NBPF19: variants seen among roughly 807,000 people sequenced by gnomAD.
NBPF19 encodes NBPF member 19.
In NBPF19, 30 loss-of-function variants were observed where a neutral mutation model predicts 45.9. That is an observed-to-expected ratio of 0.65 (90% CI 0.49 to 0.89). NBPF19 has a LOEUF of 0.89. Among genes scored for constraint, NBPF19 ranks in the 40% least tolerant of loss-of-function variants. NBPF19 has a pLI of 0.00. For missense variants in NBPF19, 495 were observed against 471.8 expected (o/e 1.05, Z -0.46); for synonymous variants, 183 against 181.2 (o/e 1.01, Z -0.08).
rs1399101810 is a variant in NBPF19, at chr1:149,483,461, T to C, written c.824+1235T>C. Among the ~76,000 whole-genome samples the C allele has an allele frequency of 9.7e-5, 9 of 92,528 alleles. No homozygotes were observed. The Admixed American group carries it at 1.1e-3, about 11-fold the overall frequency. 60.7% of individuals were successfully genotyped at this position (92,528 alleles called of 152,430 possible). A position where few individuals can be genotyped will look rare whatever the true frequency, so the allele number is the denominator to read the frequency against. ...GATGGGTTTCCTGAGTACAGCACACTGATGGGTCTTGACTCTTTATCCAAT... is the reference window on the plus strand; with the variant it reads ...GATGGGTTTCCTGAGTACAGCACACCGATGGGTCTTGACTCTTTATCCAAT... On this transcript the variant is annotated intron_variant, in intron 7 of 93. Coordinates refer to ENST00000651566, the MANE Select transcript of NBPF19 (RefSeq NM_001351365.2).
Position 149,555,045 on chromosome 1 carries a change from G to A in NBPF19, c.*307G>A, listed in dbSNP as rs1173252164. On this transcript the variant is annotated 3_prime_UTR_variant, in exon 94 of 94. Coordinates refer to ENST00000651566, the MANE Select transcript of NBPF19 (RefSeq NM_001351365.2). ...AATTCCTCAGGGATTTCATTTTGCA[G>A]GCATGTCTCTGAGCTTCTATACCTG... 4.4e-6 allele frequency: 2 copies of A among 456,044 alleles called. No individual in the cohort carries two copies. Among genetic ancestry groups the A allele is most frequent in the East Asian group, 9.3e-5 (2 of 21,400 alleles). 28.2% of individuals were successfully genotyped at this position (456,044 alleles called of 1,614,324 possible).
At chr1:149,554,398 T>C in intron 93 of NBPF19, 97 bp from the exon 94 acceptor site, 1 of 1,604,314 alleles carries the variant, frequency 6.2e-7, no homozygotes, top group South Asian at 1.1e-5. Flanking sequence ...TCCTTTTTCT[T>C]TTCTAACCAC....
At chr1:149,490,902 G>C (rs1284509294) in intron 13 of NBPF19, among the ~76,000 whole-genome samples, 3 of 129,920 alleles carry the variant, frequency 2.3e-5, no homozygotes, top group African/African-American at 6.1e-5. Flanking sequence ...CTCTCTCTGT[G>C]TGTGTGTGTG....
chr1:149,554,538 C>A lies in NBPF19; in HGVS notation c.11332C>A (p.Gln3778Lys). 1 of 1,608,246 alleles carries A rather than the reference C, an allele frequency of 6.2e-7. No homozygotes were observed. The highest frequency in any genetic ancestry group is 8.5e-7 in the Non-Finnish European group (1 of 1,176,742). ...GGAAGTGGAAGAGCCTGAAGTCTTA[C>A]AGGACTCACTGGATGGATGTTATTC... ...LMEVEEPEVL[Q>K]DSLDGCYSTP... The change falls in exon 94 of 94, where the codon CAG (glutamine) becomes AAG (lysine). Residue 3778 changes from glutamine (Q) to lysine (K), a missense_variant. Physicochemically the swap from Gln to Lys is moderately conservative, Grantham distance 53. Coordinates refer to ENST00000651566, the MANE Select transcript of NBPF19 (RefSeq NM_001351365.2).
chr1:149,487,861 A>G, intron 9 of NBPF19, 152 bp from the exon 10 acceptor site: 2 of 690,108 alleles, frequency 2.9e-6, no homozygotes, highest in Non-Finnish European at 5.3e-6. Flanking sequence ...GCCCTAGTCT[A>G]TCCCAACATA....
rs1165640968 is a variant in NBPF19 at position 149,490,852 on chromosome 1, G to C, written c.1491-287G>C. ...AGAGTGTCCTGTTACTCCCTCATCA[G>C]TGTGTCACCTGGACAATTCACTGAG... On this transcript the variant is annotated intron_variant, in intron 13 of 93. Coordinates refer to ENST00000651566, the MANE Select transcript of NBPF19 (RefSeq NM_001351365.2). 1.5e-3 allele frequency among the ~76,000 whole-genome samples: 170 copies of C among 114,392 alleles called. 1 individual carries two copies. Among genetic ancestry groups the C allele is most frequent in the Non-Finnish European group, 2.5e-3 (141 of 56,094 alleles). The allele number at this position is 114,392 out of a possible 152,430, so 75.0% of individuals were successfully genotyped here. A position where few individuals can be genotyped will look rare whatever the true frequency, so the allele number is the denominator to read the frequency against.
rs1346974019 is a variant in NBPF19 at position 149,478,963 on chromosome 1, G to A, written c.362G>A (p.Arg121His). The A allele has an allele frequency of 1.7e-5, 27 of 1,601,724 alleles. 1 individual carries two copies. The highest frequency in any genetic ancestry group is 6.7e-5 in the East Asian group (3 of 44,812). The change falls in exon 4 of 94, where the codon CGC becomes CAC. Residue 121 changes from arginine to histidine, a missense_variant. Physicochemically the swap from Arg to His is conservative, Grantham distance 29. Transcript: ENST00000651566. ...TTACGGGAAGGGAGAGATGCCTCCC[G>A]CTCATTGAATGAGCATCTCCAGGCC... ...EKLREGRDASRSLNEHLQALL... is the reference protein window; with the variant it reads ...EKLREGRDASHSLNEHLQALL...
chr1:149,494,196 T>G (rs1478570718), intron 17 of NBPF19, 122 bp from the exon 18 acceptor site: 1 of 475,856 alleles, frequency 2.1e-6, no homozygotes, highest in African/African-American at 4.0e-5. Flanking sequence ...ATTCATTACC[T>G]CATTAATGGA....
In NBPF19 at chr1:149,554,797, A is replaced by G. The variant is rs1427481605; in HGVS notation, c.*59A>G. On this transcript the variant is annotated 3_prime_UTR_variant, in exon 94 of 94. Coordinates refer to ENST00000651566, the MANE Select transcript of NBPF19 (RefSeq NM_001351365.2). ...GCAGGCAGGACCTATAGGCACGTGA[A>G]GATTTGAATGAAACTACAGTTCCAT... is the stretch of plus-strand genomic sequence containing the variant. The G allele has an allele frequency of 2.5e-5, 40 of 1,604,746 alleles. No individual in the cohort carries two copies. Among genetic ancestry groups the G allele is most frequent in the Middle Eastern group, 2.3e-4 (1 of 4,434 alleles).
At chr1:149,484,525 C>CA (rs1309030910) in intron 7 of NBPF19, among the ~76,000 whole-genome samples, 2 of 144,378 alleles carry the variant, frequency 1.4e-5, no homozygotes, top group Admixed American at 7.1e-5. Context: ...TACATACACA[C>CA]AAAAAATAAT....
rs1313492556 is a variant in NBPF19, at chr1:149,554,787, A to G, written c.*49A>G. The G allele has an allele frequency of 6.2e-6, 10 of 1,605,926 alleles. No homozygotes were observed. Among genetic ancestry groups the G allele is most frequent in the South Asian group, 1.1e-5 (1 of 90,810 alleles). The stretch of plus-strand genomic sequence containing the variant: ...TGTCATTCCTGCAGGCAGGACCTAT[A>G]GGCACGTGAAGATTTGAATGAAACT... On this transcript the variant is annotated 3_prime_UTR_variant, in exon 94 of 94. Transcript: ENST00000651566.
rs2085679783 is a variant in NBPF19, at chr1:149,487,797, G to GTC, written c.1041-215_1041-214insCT. Among the ~76,000 whole-genome samples, 4 of 148,804 alleles carry GTC rather than the reference G, an allele frequency of 2.7e-5. No individual in the cohort carries two copies. The South Asian group carries it at 8.6e-4, about 32-fold the overall frequency. ...GCTCTGTGTGTGTGTGTGTGTGTGT[G>GTC]TGTGTGTGTGTGTGTGTGTGTGTGT... On this transcript the variant is annotated intron_variant, in intron 9 of 93. Coordinates refer to ENST00000651566, the MANE Select transcript of NBPF19 (RefSeq NM_001351365.2).
chr1:149,478,037 G>A lies in NBPF19; in HGVS notation c.268G>A (p.Glu90Lys), dbSNP rs1186899164. 1.9e-6 allele frequency: 3 copies of A among 1,564,246 alleles called. No individual in the cohort carries two copies. The highest frequency in any genetic ancestry group is 2.6e-6 in the Non-Finnish European group (3 of 1,143,028). Residue 90 changes from glutamate (E) to lysine (K), a missense_variant, in exon 3 of 94, where the codon GAG (glutamate) becomes AAG (lysine). By Grantham distance (56) the Glu-to-Lys change is moderately conservative. This residue lies in a region of NBPF19 where 69 missense variants were observed against 87.8 expected (regional missense o/e 0.79). Transcript: ENST00000651566. ...EKLAEQLKQA[E>K]ELRQYKVLFH... ...GCTTGCAGAGCAGCTGAAGCAAGCT[G>A]AGGAGCTCAGGTGAGGGGACCCCGT...
chr1:149,487,955 G>T (rs1332446326), intron 9 of NBPF19, 58 bp from the exon 10 acceptor site: 3 of 699,980 alleles, frequency 4.3e-6, no homozygotes, highest in African/African-American at 1.8e-5. Context: ...AATCTAGCTG[G>T]GGCTGTGTGG....
chr1:149,486,167 G>A lies in NBPF19; in HGVS notation c.862G>A (p.Glu288Lys). ...QESEEEEVPQESWDEGYSTLS... is the reference protein window; with the variant it reads ...QESEEEEVPQKSWDEGYSTLS... ...GTCTGAAGAGGAGGAAGTCCCCCAGGAGTCCTGGGATGAAGGTTATTCGAC... is the reference window on the plus strand; with the variant it reads ...GTCTGAAGAGGAGGAAGTCCCCCAGAAGTCCTGGGATGAAGGTTATTCGAC... Residue 288 changes from glutamate to lysine, a missense_variant, in exon 8 of 94, where the codon GAG (glutamate) becomes AAG (lysine). This residue lies in a region of NBPF19 where 146 missense variants were observed against 67.3 expected (regional missense o/e 2.17). Transcript: ENST00000651566. 1 of 449,712 alleles carries A rather than the reference G, an allele frequency of 2.2e-6. No homozygotes were observed. The highest frequency in any genetic ancestry group is 2.2e-5 in the South Asian group (1 of 46,212). 27.9% of individuals were successfully genotyped at this position (449,712 alleles called of 1,614,324 possible).
chr1:149,554,525 G>A lies in NBPF19; in HGVS notation c.11319G>A (p.Glu3773=), dbSNP rs1449616048. 2.8e-5 allele frequency: 45 copies of A among 1,608,104 alleles called. 2 individuals carry two copies. The Admixed American group carries it at 5.8e-4, about 21-fold the overall frequency. ...RLNSVLMEVE[E]PEVLQDSLDG... ...ACAGCGTGCTGATGGAAGTGGAAGA[G>A]CCTGAAGTCTTACAGGACTCACTGG... The change falls in exon 94 of 94, where the codon GAG becomes GAA. Residue 3773 remains glutamate, a synonymous_variant. Coordinates refer to ENST00000651566, the MANE Select transcript of NBPF19 (RefSeq NM_001351365.2).
intron 13 of NBPF19, among the ~76,000 whole-genome samples, chr1:149,490,713 A>C (rs2085807341): frequency 1.9e-5 from 1 of 51,938 alleles, no homozygotes; most frequent in Non-Finnish European, 3.6e-5. Flanking sequence ...ACCAGACTTC[A>C]AAAACTGTAT....
chr1:149,487,938 G>C (rs2085710870), intron 9 of NBPF19, 75 bp from the exon 10 acceptor site: 6 of 721,526 alleles, frequency 8.3e-6, no homozygotes, highest in East Asian at 2.7e-5. Context: ...CCTTATGTTA[G>C]CCATGAAATC....
At position 149,554,607 on chromosome 1, in the gene NBPF19, T is replaced by C. The variant is rs2087199005; in HGVS notation, c.11401T>C (p.Tyr3801His). ...YFELPDSFQHYRSVFYSFEEE... is the reference protein window; with the variant it reads ...YFELPDSFQHHRSVFYSFEEE... ...TGAACTACCTGACTCATTCCAGCAC[T>C]ACAGAAGTGTGTTTTACTCATTTGA... The change falls in exon 94 of 94, where the codon TAC becomes CAC. Residue 3801 changes from tyrosine to histidine, a missense_variant. Physicochemically the swap from Tyr to His is moderately conservative, Grantham distance 83. Around this residue, in one of 8 missense-constraint regions of NBPF19, gnomAD observed 248 missense variants for 95.4 expected, o/e 2.60. Coordinates refer to ENST00000651566, the MANE Select transcript of NBPF19 (RefSeq NM_001351365.2). The C allele has an allele frequency of 6.2e-7, 1 of 1,608,358 alleles. No homozygotes were observed. Among genetic ancestry groups the C allele is most frequent in the Non-Finnish European group, 8.5e-7 (1 of 1,176,798 alleles).
Sources: gnomAD v4.1 joint callset for allele counts (sites outside exome capture counted in the v4.1 genomes callset) on GRCh38, gnomAD v4.1.1 for gene constraint, gnomAD v4.1.1 regional missense constraint, MANE v1.5 for transcripts, NCBI Gene and HGNC (gene_info 2026-07-23, HGNC 2026-07-21) for gene names.